Variants in CDSN observed in about 807,000 individuals in gnomAD.
CDSN encodes the protein S protein.
A neutral mutation model predicts 25.6 loss-of-function variants in CDSN; 11 were observed. The ratio of observed to expected loss-of-function variants is 0.43; its 90% CI spans 0.27 to 0.71. The LOEUF (loss-of-function observed/expected upper bound fraction) is 0.71, where lower values mean the gene tolerates loss of function less well. CDSN is among the 30% of genes least tolerant of loss of function. CDSN has a pLI of 0.20. For missense variants in CDSN, 598 were observed against 670.9 expected (o/e 0.89, Z 1.20); for synonymous variants, 266 against 267.4 (o/e 0.99, Z 0.05).
Position 31,115,903 on chromosome 6 carries a change from C to T in CDSN, c.*122G>A. On this transcript the variant is annotated 3_prime_UTR_variant, in exon 2 of 2. Transcript: ENST00000376288. The surrounding 1 kb of genome is among the most constrained non-coding windows in gnomAD (Gnocchi z 4.2). The stretch of plus-strand genomic sequence containing the variant: ...TGGGGTAGTGGAGAAAGCAGAACCA[C>T]TCTTTTGGGAAGGAGGGAAACTGAG... 1 of 857,614 alleles carries T rather than the reference C, an allele frequency of 1.2e-6. No homozygotes were observed. Among genetic ancestry groups the T allele is most frequent in the South Asian group, 1.5e-5 (1 of 66,974 alleles). 53.1% of individuals were successfully genotyped at this position (857,614 alleles called of 1,614,324 possible).
chr6:31,118,105 A>G (rs3132551), intron 1 of CDSN: 116,986 of 154,654 alleles, frequency 0.76, 44,595 homozygotes, highest in South Asian at 0.83. Flanking sequence ...AGTGGGACCA[A>G]AGGGAAGAAG....
rs772973219 is a variant in CDSN, at chr6:31,116,055, T to G, written c.1560A>C (p.Leu520=). ...GPQLADPEVF[L]PQGELLNSP ...GACTGTTGAGTAACTCTCCTTGGGGTAGGAAAACTTCAGGGTCAGCTAGCT... is the reference window on the plus strand; with the variant it reads ...GACTGTTGAGTAACTCTCCTTGGGGGAGGAAAACTTCAGGGTCAGCTAGCT... Residue 520 remains leucine, a synonymous_variant, in exon 2 of 2, where the codon CTA becomes CTC. Transcript: ENST00000376288. 1.4e-5 allele frequency: 22 copies of G among 1,611,636 alleles called. No individual in the cohort carries two copies. The highest frequency in any genetic ancestry group is 1.9e-5 in the Non-Finnish European group (22 of 1,179,792).
At position 31,115,996 on chromosome 6, in the gene CDSN, A is replaced by G; in HGVS notation, c.*29T>C. On this transcript the variant is annotated 3_prime_UTR_variant, in exon 2 of 2. Transcript: ENST00000376288. This position sits in a 1 kb window ranked among gnomAD's most constrained non-coding sequence, Gnocchi z 4.2. ...TAGTGTATGTGCTTGTTTGTGCCCA[A>G]GGCATGCACACACACAACAGTTGAC... 1 of 1,583,014 alleles carries G rather than the reference A, an allele frequency of 6.3e-7. No individual in the cohort carries two copies. The highest frequency in any genetic ancestry group is 8.6e-7 in the Non-Finnish European group (1 of 1,159,368).
Position 31,117,130 on chromosome 6 carries a change from T to C in CDSN, c.485A>G (p.Gln162Arg). ...SSHSSSSSSF[Q>R]FSSSSFQVGN... ...TACTTGGAAGCTGCTGCTGCTGAAC[T>C]GAAAGCTGCTGCTGCTGCTCGAATG... Residue 162 changes from glutamine to arginine, a missense_variant, in exon 2 of 2, where the codon CAG becomes CGG. Transcript: ENST00000376288. 2 of 1,613,416 alleles carry C rather than the reference T, an allele frequency of 1.2e-6. No homozygotes were observed. Among genetic ancestry groups the C allele is most frequent in the Non-Finnish European group, 1.7e-6 (2 of 1,179,714 alleles).
Position 31,115,673 on chromosome 6 carries a change from T to C in CDSN, c.*352A>G, listed in dbSNP as rs1452141521. On this transcript the variant is annotated 3_prime_UTR_variant, in exon 2 of 2. Transcript: ENST00000376288. This position sits in a 1 kb window ranked among gnomAD's most constrained non-coding sequence, Gnocchi z 4.2. ...AGGTGCTCTGAGAGCATTTCAGGGG[T>C]TTCCCAGTTGAGAAGCTGATGGGGG... 3 of 332,244 alleles carry C rather than the reference T, an allele frequency of 9.0e-6. No homozygotes were observed. 20.6% of individuals were successfully genotyped at this position (332,244 alleles called of 1,614,324 possible).
At position 31,117,151 on chromosome 6, in the gene CDSN, G is replaced by T. The variant is rs201863437; in HGVS notation, c.464C>A (p.Ser155Ter). The change falls in exon 2 of 2, where the codon TCG (serine) becomes TAG (stop). Residue 155 changes from serine (S) to a stop codon, truncating the protein, a stop_gained. Coordinates refer to ENST00000376288, the MANE Select transcript of CDSN (RefSeq NM_001264.5). LOFTEE classifies it high-confidence loss of function. ...GSHSGSSSSH[S>*]SSSSSFQFSS... ...GAACTGAAAGCTGCTGCTGCTGCTCGAATGAGAGCTGCTGCTTCCCGAGTG... is the reference window on the plus strand; with the variant it reads ...GAACTGAAAGCTGCTGCTGCTGCTCTAATGAGAGCTGCTGCTTCCCGAGTG... 3.7e-6 allele frequency: 6 copies of T among 1,607,220 alleles called. No homozygotes were observed. Among genetic ancestry groups the T allele is most frequent in the Non-Finnish European group, 5.1e-6 (6 of 1,176,170 alleles).
chr6:31,117,348 A>G lies in CDSN; in HGVS notation c.267T>C (p.Ser89=). The change falls in exon 2 of 2, where the codon AGT becomes AGC. Residue 89 remains serine, a synonymous_variant. Transcript: ENST00000376288. The part of the protein sequence containing the change: ...SSARSSGGGS[S]GSSSGSSIAQ... ...CAATGCTGGATCCGCTGGAGCTACC[A>G]CTGGAGCCACCACCAGAGCTTCTGG... The G allele has an allele frequency of 1.3e-6, 2 of 1,578,490 alleles. No individual in the cohort carries two copies. The highest frequency in any genetic ancestry group is 1.7e-6 in the Non-Finnish European group (2 of 1,161,886).
At chr6:31,119,432 G>A (rs889590848) in intron 1 of CDSN, among the ~76,000 whole-genome samples, 5 of 152,160 alleles carry the variant, frequency 3.3e-5, no homozygotes, top group Non-Finnish European at 5.9e-5. Context: ...ATAAGTACCC[G>A]GTGGTCAACA....
At chr6:31,118,843 C>CTTTTTTTTTTTTT (rs9257055) in intron 1 of CDSN, 1 of 120,772 alleles carries the variant, frequency 8.3e-6, no homozygotes, top group Non-Finnish European at 1.6e-5. Context: ...TCTTCTTCTT[C>CTTTTTTTTTTTTT]TTTTTTTTTT....
At chr6:31,117,747 C>G in intron 1 of CDSN, 2 of 586,038 alleles carry the variant, frequency 3.4e-6, no homozygotes, top group Non-Finnish European at 6.1e-6. Context: ...TGGGCAAACA[C>G]CAACCAGAAA....
intron 1 of CDSN, 158 bp from the exon 2 acceptor site, chr6:31,117,687 T>C: frequency 1.5e-6 from 1 of 672,860 alleles, no homozygotes; most frequent in Non-Finnish European, 2.6e-6. Flanking sequence ...CTATTGTCTC[T>C]AAAGGATATT....
In CDSN at chr6:31,116,411, A is replaced by C; in HGVS notation, c.1204T>G (p.Ser402Ala). 6.3e-7 allele frequency: 1 copy of C among 1,595,898 alleles called. No homozygotes were observed. Among genetic ancestry groups the C allele is most frequent in the Non-Finnish European group, 8.5e-7 (1 of 1,171,138 alleles). The stretch of plus-strand genomic sequence containing the variant: ...AAACCGGAGCTGCTGGAAATGCTAG[A>C]ACTGCTGGGGACTCGAGAACTGGAG... ...SPSSSRVPSSSSISSSSGLPY... is the reference protein window; with the variant it reads ...SPSSSRVPSSASISSSSGLPY... Residue 402 changes from serine (S) to alanine (A), a missense_variant, in exon 2 of 2, where the codon TCT (serine) becomes GCT (alanine). By Grantham distance (99) the Ser-to-Ala change is moderately conservative. Transcript: ENST00000376288.
Position 31,116,879 on chromosome 6 carries a change from C to T in CDSN, c.736G>A (p.Val246Met). 6.2e-7 allele frequency: 1 copy of T among 1,614,114 alleles called. No individual in the cohort carries two copies. Among genetic ancestry groups the T allele is most frequent in the Non-Finnish European group, 8.5e-7 (1 of 1,179,988 alleles). The change falls in exon 2 of 2, where the codon GTG becomes ATG. Residue 246 changes from valine to methionine, a missense_variant. Val to Met is a conservative substitution (Grantham distance 21, BLOSUM62 1). Coordinates refer to ENST00000376288, the MANE Select transcript of CDSN (RefSeq NM_001264.5). ...ACCACAGGCCTCTGACCCCCTGACA[C>T]AGAGTGGGAGCTGGGGATGTAGGGG... The part of the protein sequence containing the change: ...SGPYIPSSHS[V>M]SGGQRPVVVV...
In CDSN at chr6:31,116,129, AG is replaced by A; in HGVS notation, c.1485del (p.Cys496AlafsTer8). 1 of 1,610,956 alleles carries A rather than the reference AG, an allele frequency of 6.2e-7. No homozygotes were observed. Among genetic ancestry groups the A allele is most frequent in the Non-Finnish European group, 8.5e-7 (1 of 1,178,328 alleles). On this transcript the variant is annotated frameshift_variant, in exon 2 of 2. Coordinates refer to ENST00000376288, the MANE Select transcript of CDSN (RefSeq NM_001264.5). LOFTEE classifies it high-confidence loss of function. Reference sequence around the variant, plus strand: ...GCTAGGATATCCCGGATGGAGCGGCAGGGGATCTTTCCAGCACTGCTGGAGC... The same window carrying A: ...GCTAGGATATCCCGGATGGAGCGGCAGGGATCTTTCCAGCACTGCTGGAGC... ...PCGSSSAGKIPCRSIRDILAQ... is the reference protein window; with the variant it reads ...PCGSSSAGKIXCRSIRDILAQ...
In CDSN at chr6:31,120,348, A is replaced by G; in HGVS notation, c.72T>C (p.Gly24=). ...CCAGCCTCCTACCTGGCAGGAGGAG[A>G]CCAGCCAGCAGCAGTGCCATCATCC... ...GHGMMALLLA[G]LLLPGTLAKS... The change falls in exon 1 of 2, where the codon GGT becomes GGC. Residue 24 remains glycine (G), a synonymous_variant. Coordinates refer to ENST00000376288, the MANE Select transcript of CDSN (RefSeq NM_001264.5). 6.3e-7 allele frequency: 1 copy of G among 1,583,976 alleles called. No individual in the cohort carries two copies. Among genetic ancestry groups the G allele is most frequent in the Non-Finnish European group, 8.6e-7 (1 of 1,166,098 alleles).
chr6:31,117,923 C>T (rs3130988), intron 1 of CDSN: 35,924 of 208,198 alleles, frequency 0.17, 3,595 homozygotes, highest in Non-Finnish European at 0.21. Context: ...ACATAGACCC[C>T]GTCTGTATTT....
rs142573570 is a variant in CDSN, at chr6:31,117,140, T to C, written c.475A>G (p.Ser159Gly). ...CTGCTGCTGCTGAACTGAAAGCTGC[T>C]GCTGCTGCTCGAATGAGAGCTGCTG... ...GSSSSHSSSS[S>G]SFQFSSSSFQ... The change falls in exon 2 of 2, where the codon AGC (serine) becomes GGC (glycine). Residue 159 changes from serine (S) to glycine (G), a missense_variant. By Grantham distance (56) the Ser-to-Gly change is moderately conservative. Transcript: ENST00000376288. 220 of 1,611,010 alleles carry C rather than the reference T, an allele frequency of 1.4e-4. 1 individual carries two copies. Among genetic ancestry groups the C allele is most frequent in the African/African-American group, 1.2e-3 (88 of 74,068 alleles).
chr6:31,117,885 G>A (rs1166120425), intron 1 of CDSN: 3 of 313,612 alleles, frequency 9.6e-6, no homozygotes, highest in African/African-American at 2.1e-5. Context: ...GATTGCATGC[G>A]CCCCAGAGTT....
chr6:31,117,036 T>A lies in CDSN; in HGVS notation c.579A>T (p.Gly193=), dbSNP rs773848914. 1 of 1,614,102 alleles carries A rather than the reference T, an allele frequency of 6.2e-7. No homozygotes were observed. The highest frequency in any genetic ancestry group is 1.3e-5 in the African/African-American group (1 of 74,940). ...YRGILNPSQP[G]QSSSSSQTFG... is the part of the protein sequence containing the mutation. ...AGGTCTGGGAAGAGGAAGAGCTTTG[T>A]CCAGGCTGGGAAGGGTTTAGTATTC... Residue 193 remains glycine (G), a synonymous_variant, in exon 2 of 2, where the codon GGA becomes GGT. Transcript: ENST00000376288.
Sources: allele counts gnomAD v4.1 joint callset (sites outside exome capture counted in the v4.1 genomes callset), GRCh38; gene constraint gnomAD v4.1.1; non-coding constraint Gnocchi (gnomAD v3.1); transcripts MANE v1.5; gene names NCBI Gene and HGNC (gene_info 2026-07-23, HGNC 2026-07-21).